Variants in IL1RAPL1 observed in about 807,000 individuals in gnomAD.
IL1RAPL1 encodes interleukin 1 receptor accessory protein like 1.
A neutral mutation model predicts 48.4 loss-of-function variants in IL1RAPL1; 3 were observed. The observed-to-expected ratio is 0.06, with a 90% CI of 0.03 to 0.16. The LOEUF is 0.16. Ranked by LOEUF, IL1RAPL1 falls within the 10% of genes least tolerant of loss-of-function variation. The pLI is 1.00. For missense variants in IL1RAPL1, 349 were observed against 530.6 expected (o/e 0.66, Z 3.36); for synonymous variants, 185 against 187.7 (o/e 0.99, Z 0.12).
chrX:28,691,860 G>A (rs989650228), intron 1 of IL1RAPL1, among the ~76,000 whole-genome samples: 1 of 111,390 alleles, frequency 9.0e-6, no homozygotes, highest in East Asian at 2.8e-4. Context: ...AGTTAATTTT[G>A]TGTTGCTATA....
chrX:29,164,582 T>C (rs1327943393), intron 2 of IL1RAPL1, among the ~76,000 whole-genome samples: 1 of 111,613 alleles, frequency 9.0e-6, no homozygotes, highest in Non-Finnish European at 1.9e-5. Flanking sequence ...ATAAGAAGCC[T>C]TCACATTATA....
At chrX:28,669,811 T>G (rs1325922953) in intron 1 of IL1RAPL1, among the ~76,000 whole-genome samples, 9 of 104,688 alleles carry the variant, frequency 8.6e-5, no homozygotes, top group African/African-American at 3.1e-4. Flanking sequence ...CCTCCAAAAT[T>G]GAAGAGAATG....
chrX:29,918,595 T>C (rs1932822749), intron 7 of IL1RAPL1, among the ~76,000 whole-genome samples: 1 of 110,663 alleles, frequency 9.0e-6, no homozygotes, highest in Admixed American at 9.7e-5. Context: ...TCCTGCTACG[T>C]ATTTTTACAT....
At chrX:29,733,014 CAAGG>C (rs780555576) in intron 6 of IL1RAPL1, among the ~76,000 whole-genome samples, 7 of 109,223 alleles carry the variant, frequency 6.4e-5, no homozygotes, top group Non-Finnish European at 1.3e-4. Context: ...GCAAGGTGGC[CAAGG>C]AAGGAAGGAA....
chrX:29,660,529 G>T (rs1925812116), intron 5 of IL1RAPL1, among the ~76,000 whole-genome samples: 1 of 111,498 alleles, frequency 9.0e-6, no homozygotes, highest in Admixed American at 9.6e-5. Flanking sequence ...GGTAAAAGAT[G>T]GGTATCTACT....
At chrX:28,725,202 G>A (rs759988509) in intron 1 of IL1RAPL1, among the ~76,000 whole-genome samples, 4 of 110,197 alleles carry the variant, frequency 3.6e-5, no homozygotes, top group Non-Finnish European at 7.6e-5. Flanking sequence ...CACCTGTCTC[G>A]GCCTCCCAAA....
intron 3 of IL1RAPL1, among the ~76,000 whole-genome samples, chrX:29,323,337 A>G (rs1265284348): frequency 9.1e-6 from 1 of 110,408 alleles, no homozygotes; most frequent in African/African-American, 3.3e-5. Flanking sequence ...TATTATTTTT[A>G]TAATCAATGG....
chrX:29,477,065 A>G (rs1465492278), intron 5 of IL1RAPL1, among the ~76,000 whole-genome samples: 1 of 107,887 alleles, frequency 9.3e-6, no homozygotes, highest in African/African-American at 3.4e-5. Flanking sequence ...TATTTTTAGT[A>G]GAGACGGGGT....
rs193138121 is a variant in IL1RAPL1 at position 28,829,853 on chromosome X, C to T, written c.82+40428C>T. ...GATTACAGGCGTGAGCCACCGTGCCCGGCCTGGAATTTTTTCAGATTTTTT... is the reference window on the plus strand; with the variant it reads ...GATTACAGGCGTGAGCCACCGTGCCTGGCCTGGAATTTTTTCAGATTTTTT... On this transcript the variant is annotated intron_variant, in intron 2 of 10. Transcript: ENST00000378993. 6.9e-3 allele frequency among the ~76,000 whole-genome samples: 767 copies of T among 110,417 alleles called. 5 individuals are homozygous for T. Among genetic ancestry groups the T allele is most frequent in the Non-Finnish European group, 9.2e-3 (486 of 52,775 alleles).
chrX:28,920,524 GA>G (rs898223798), intron 2 of IL1RAPL1, among the ~76,000 whole-genome samples: 8 of 109,364 alleles, frequency 7.3e-5, no homozygotes, highest in Admixed American at 9.8e-5. Flanking sequence ...GCAGCAGCAG[GA>G]AAAAAAAATA....
chrX:29,826,111 C>A (rs1272717940), intron 6 of IL1RAPL1, among the ~76,000 whole-genome samples: 2 of 111,645 alleles, frequency 1.8e-5, no homozygotes, highest in Non-Finnish European at 3.8e-5. Flanking sequence ...CATTGTCATG[C>A]GTCCAATCCT....
At chrX:29,784,316 C>T (rs767292414) in intron 6 of IL1RAPL1, among the ~76,000 whole-genome samples, 2 of 111,459 alleles carry the variant, frequency 1.8e-5, no homozygotes, top group African/African-American at 6.5e-5. Flanking sequence ...TACTAGATAT[C>T]CCATCACTAA....
At chrX:29,182,478 A>G (rs368032954) in intron 2 of IL1RAPL1, among the ~76,000 whole-genome samples, 1 of 112,170 alleles carries the variant, frequency 8.9e-6, no homozygotes, top group Non-Finnish European at 1.9e-5. Flanking sequence ...TGGATTGCAC[A>G]TAGTTGAATT....
chrX:29,309,569 T>G (rs746519174), intron 3 of IL1RAPL1, among the ~76,000 whole-genome samples: 4 of 111,763 alleles, frequency 3.6e-5, no homozygotes, highest in Non-Finnish European at 5.6e-5. Context: ...TCCCAGCACT[T>G]TGGGAGGCCA....
At chrX:29,013,808 A>G (rs917127037) in intron 2 of IL1RAPL1, among the ~76,000 whole-genome samples, 1 of 110,726 alleles carries the variant, frequency 9.0e-6, no homozygotes, top group Non-Finnish European at 1.9e-5. Context: ...GCAAACCACC[A>G]TGGCACACAG....
At chrX:29,762,766 T>C (rs1028868202) in intron 6 of IL1RAPL1, among the ~76,000 whole-genome samples, 2 of 111,346 alleles carry the variant, frequency 1.8e-5, no homozygotes, top group Non-Finnish European at 3.8e-5. Flanking sequence ...TGTAACAGAG[T>C]GGCAGGGGTT....
intron 2 of IL1RAPL1, among the ~76,000 whole-genome samples, chrX:29,165,683 C>T (rs753672531): frequency 7.2e-5 from 8 of 111,521 alleles, no homozygotes; most frequent in African/African-American, 2.3e-4. Context: ...TGAAAATCTC[C>T]CAAATCCCTA....
At chrX:29,810,478 G>A (rs968815239) in intron 6 of IL1RAPL1, among the ~76,000 whole-genome samples, 7 of 111,405 alleles carry the variant, frequency 6.3e-5, no homozygotes, top group Admixed American at 1.9e-4. Flanking sequence ...GTGAGCCACC[G>A]TACCCAGCCC....
At position 29,955,689 on chromosome X, in the gene IL1RAPL1, A is replaced by G; in HGVS notation, c.1960A>G (p.Met654Val). The G allele has an allele frequency of 1.7e-6, 2 of 1,211,479 alleles. No homozygotes were observed. Among genetic ancestry groups the G allele is most frequent in the African/African-American group, 1.7e-5 (1 of 57,807 alleles). The change falls in exon 11 of 11, where the codon ATG (methionine) becomes GTG (valine). Residue 654 changes from methionine (M) to valine (V), a missense_variant. Around this residue, in one of 3 missense-constraint regions of IL1RAPL1, gnomAD observed 65 missense variants for 79.6 expected, o/e 0.82. Transcript: ENST00000378993. Reference sequence around the variant, plus strand: ...TCAGCATACCTACTGTAACATCCCTATGACACTCATCAACGGGCAGCGGCC... The same window carrying G: ...TCAGCATACCTACTGTAACATCCCTGTGACACTCATCAACGGGCAGCGGCC... ...GNQHTYCNIPMTLINGQRPQT... is the reference protein window; with the variant it reads ...GNQHTYCNIPVTLINGQRPQT...
Sources: allele counts gnomAD v4.1 joint callset (sites outside exome capture counted in the v4.1 genomes callset), GRCh38; gene constraint gnomAD v4.1.1; regional missense constraint gnomAD v4.1.1; transcripts MANE v1.5; gene names NCBI Gene and HGNC (gene_info 2026-07-23, HGNC 2026-07-21).